Variants in GABRA2 observed in about 807,000 individuals in gnomAD.
The protein encoded by GABRA2 is gamma-aminobutyric acid type A receptor subunit alpha2.
In GABRA2, 16 loss-of-function variants were observed where a neutral mutation model predicts 48.7. That is an observed-to-expected ratio of 0.33 (90% CI 0.22 to 0.50). The LOEUF is 0.50. Among genes scored for constraint, GABRA2 ranks in the 20% least tolerant of loss-of-function variants. GABRA2 has a pLI of 0.98. For missense variants in GABRA2, 275 were observed against 535.6 expected, an observed-to-expected ratio of 0.51 and a Z score of 4.80; for synonymous variants, 185 against 184.5, an observed-to-expected ratio of 1.00 and a Z score of -0.02.
Position 46,282,052 on chromosome 4 carries a change from A to G in GABRA2, c.857-19924T>C, listed in dbSNP as rs1457982936. The stretch of plus-strand genomic sequence containing the variant: ...GAGCTTGGAAACATGAGGCTGTGGA[A>G]TTTGAAGGAGGTTCTCTTCTAGTTG... On this transcript the variant is annotated intron_variant, in intron 8 of 9. Transcript: ENST00000381620. Among the ~76,000 whole-genome samples, 3 of 152,282 alleles carry G rather than the reference A, an allele frequency of 2.0e-5. No homozygotes were observed. The East Asian group carries it at 5.8e-4, about 29-fold the overall frequency.
At chr4:46,250,750 G>A (rs1714587383) in intron 9 of GABRA2, 146 bp from the exon 10 acceptor site, 1 of 610,840 alleles carries the variant, frequency 1.6e-6, no homozygotes. Context: ...AATAAATAAA[G>A]GTGTTTATTA....
intron 8 of GABRA2, among the ~76,000 whole-genome samples, chr4:46,280,764 T>A (rs2109461804): frequency 6.6e-6 from 1 of 152,248 alleles, no homozygotes; most frequent in Non-Finnish European, 1.5e-5. Context: ...GTACTTGAGG[T>A]TAAACATGGT....
chr4:46,295,557 A>G (rs552023805), intron 8 of GABRA2, among the ~76,000 whole-genome samples: 74 of 152,284 alleles, frequency 4.9e-4, no homozygotes, highest in African/African-American at 1.7e-3. Flanking sequence ...TCATTGCCCA[A>G]TGGGTCCATG....
At chr4:46,303,662 C>A (rs771356547) in intron 7 of GABRA2, 50 bp from the exon 8 acceptor site, 1 of 1,531,786 alleles carries the variant, frequency 6.5e-7, no homozygotes. Context: ...ATACTTTGAA[C>A]ATTTAGGAAA....
chr4:46,388,748 A>G (rs1578259921), intron 1 of GABRA2, 32 bp from the exon 2 acceptor site: 1 of 1,612,866 alleles, frequency 6.2e-7, no homozygotes, highest in African/African-American at 1.3e-5. Flanking sequence ...AAAACAAAAT[A>G]CACTTAAAAT....
At chr4:46,319,627 C>A (rs1385737317) in intron 4 of GABRA2, among the ~76,000 whole-genome samples, 2 of 151,740 alleles carry the variant, frequency 1.3e-5, no homozygotes, top group Non-Finnish European at 2.9e-5. Context: ...CCAATTAGTA[C>A]AAGCCTTATT....
intron 8 of GABRA2, among the ~76,000 whole-genome samples, chr4:46,291,453 G>T (rs1391878135): frequency 2.6e-5 from 4 of 152,128 alleles, no homozygotes; most frequent in Non-Finnish European, 5.9e-5. Context: ...GCGTCTGTGA[G>T]GGTGTTGCCA....
intron 8 of GABRA2, among the ~76,000 whole-genome samples, chr4:46,292,302 G>A (rs542972151): frequency 6.6e-6 from 1 of 152,264 alleles, no homozygotes; most frequent in Admixed American, 6.5e-5. Context: ...ATCTCCTGTA[G>A]ACAAAGAGCT....
At chr4:46,303,746 T>C in intron 7 of GABRA2, 134 bp from the exon 8 acceptor site, 1 of 736,146 alleles carries the variant, frequency 1.4e-6, no homozygotes, top group South Asian at 1.9e-5. Context: ...AGGAAATTTA[T>C]ATCACTTTTA....
At chr4:46,363,392 G>A (rs1325547440) in intron 3 of GABRA2, among the ~76,000 whole-genome samples, 1 of 151,928 alleles carries the variant, frequency 6.6e-6, no homozygotes, top group Non-Finnish European at 1.5e-5. Flanking sequence ...CTAAATCCCT[G>A]GGAAAGGAAG....
intron 8 of GABRA2, among the ~76,000 whole-genome samples, chr4:46,295,319 G>T (rs1724431131): frequency 1.3e-5 from 2 of 152,244 alleles, no homozygotes; most frequent in Non-Finnish European, 2.9e-5. Context: ...GGTTTGGCTG[G>T]ATGGTCAAGG....
At chr4:46,256,346 G>T (rs1304449745) in intron 9 of GABRA2, 2 of 680,014 alleles carry the variant, frequency 2.9e-6, no homozygotes, top group African/African-American at 1.8e-5. Flanking sequence ...GTATGTTAAT[G>T]TAATGCCTTC....
intron 8 of GABRA2, among the ~76,000 whole-genome samples, chr4:46,266,508 C>G (rs1718266395): frequency 6.6e-6 from 1 of 150,402 alleles, no homozygotes; most frequent in Admixed American, 6.6e-5. Flanking sequence ...GTTGAGGATC[C>G]CTTTTATATG....
At chr4:46,389,397 C>G (rs1441474057) in intron 1 of GABRA2, 18 of 985,118 alleles carry the variant, frequency 1.8e-5, no homozygotes, top group East Asian at 1.1e-4. Context: ...GCTCTGGAGC[C>G]GAGGATCACA....
rs1283846086 is a variant in GABRA2, at chr4:46,268,253, TA to T, written c.857-6126del. 5.3e-5 allele frequency among the ~76,000 whole-genome samples: 8 copies of T among 152,010 alleles called. No homozygotes were observed. In the East Asian group the frequency reaches 1.5e-3, roughly 29 times the overall value. On this transcript the variant is annotated intron_variant, in intron 8 of 9. Transcript: ENST00000381620. ...TATATTTAAAAAATTAACAGAGTGA[TA>T]AAAATATGTGAATTGGTAGAAAAAA...
chr4:46,331,870 T>A (rs997144033), intron 4 of GABRA2, among the ~76,000 whole-genome samples: 5 of 152,034 alleles, frequency 3.3e-5, no homozygotes, highest in African/African-American at 1.2e-4. Flanking sequence ...CACAGGCATG[T>A]GCTATCACAC....
At chr4:46,323,476 A>G (rs1729807562) in intron 4 of GABRA2, among the ~76,000 whole-genome samples, 1 of 151,938 alleles carries the variant, frequency 6.6e-6, no homozygotes, top group African/African-American at 2.4e-5. Context: ...ACATTAATCC[A>G]TAAATACTTC....
intron 3 of GABRA2, among the ~76,000 whole-genome samples, chr4:46,340,145 C>T (rs146775570): frequency 9.9e-5 from 15 of 151,898 alleles, no homozygotes; most frequent in African/African-American, 3.6e-4. Context: ...TTAAAGCTAC[C>T]ATCATCTGTC....
chr4:46,360,380 A>C (rs1239686224), intron 3 of GABRA2, among the ~76,000 whole-genome samples: 2 of 152,194 alleles, frequency 1.3e-5, no homozygotes, highest in Non-Finnish European at 2.9e-5. Flanking sequence ...GATAGTGAAT[A>C]AGTGTCAAGA....
Sources: gnomAD v4.1 joint callset for allele counts (sites outside exome capture counted in the v4.1 genomes callset) on GRCh38, gnomAD v4.1.1 for gene constraint, MANE v1.5 for transcripts, NCBI Gene and HGNC (gene_info 2026-07-23, HGNC 2026-07-21) for gene names.